Variants in NRIP1 observed in about 807,000 individuals in gnomAD.
NRIP1 encodes the protein nuclear receptor-interacting protein 1.
Under a neutral mutation model 75.0 loss-of-function variants are expected in NRIP1, and 28 were observed. The ratio of observed to expected loss-of-function variants is 0.37; its 90% CI spans 0.28 to 0.51. The LOEUF is 0.51. Among genes scored for constraint, NRIP1 ranks in the 20% least tolerant of loss-of-function variants. The pLI, the probability that NRIP1 is intolerant of heterozygous loss-of-function variation, is 0.92. For missense variants in NRIP1, 1,435 were observed against 1,343.7 expected, an observed-to-expected ratio of 1.07 and a Z score of -1.06; for synonymous variants, 526 against 487.6, an observed-to-expected ratio of 1.08 and a Z score of -1.04.
rs1205304459 is a variant in NRIP1 at position 14,964,766 on chromosome 21, C to A, written c.3427G>T (p.Val1143Phe). 4 of 1,583,514 alleles carry A rather than the reference C, an allele frequency of 2.5e-6. No homozygotes were observed. Among genetic ancestry groups the A allele is most frequent in the Admixed American group, 3.9e-5 (2 of 51,250 alleles). ...AGCACGCTTCCCAGAAGTCCATAAA[C>A]TTCTCCATTTGCGCTGTGTGGGCGA... ...ASRPHSANGE[V>F]YGLLGSVLTI... The change falls in exon 4 of 4, where the codon GTT becomes TTT. Residue 1143 changes from valine (V) to phenylalanine (F), a missense_variant. By Grantham distance (50) the Val-to-Phe change is conservative. Transcript: ENST00000318948.
At chr21:15,007,785 C>A (rs2088007261) in intron 3 of NRIP1, among the ~76,000 whole-genome samples, 1 of 152,186 alleles carries the variant, frequency 6.6e-6, no homozygotes, top group Non-Finnish European at 1.5e-5. Flanking sequence ...GCAAACATTT[C>A]TTGAGTCCCG....
intron 1 of NRIP1, among the ~76,000 whole-genome samples, chr21:15,044,348 T>C (rs2089024063): frequency 6.6e-6 from 1 of 150,520 alleles, no homozygotes; most frequent in South Asian, 2.1e-4. Context: ...AGAATGACAC[T>C]GACGTGGAAA....
At chr21:15,022,598 T>C (rs150871911) in intron 2 of NRIP1, among the ~76,000 whole-genome samples, 21 of 152,354 alleles carry the variant, frequency 1.4e-4, no homozygotes, top group African/African-American at 4.8e-4. Context: ...ACTTCTCTCA[T>C]TATTTTAAAT....
chr21:15,030,734 A>G (rs558639200), intron 2 of NRIP1, among the ~76,000 whole-genome samples: 32 of 152,354 alleles, frequency 2.1e-4, no homozygotes, highest in African/African-American at 7.7e-4. Flanking sequence ...GATAGGTGGT[A>G]AGGAGGGAAG....
intron 2 of NRIP1, among the ~76,000 whole-genome samples, chr21:15,034,896 G>A (rs938199973): frequency 1.3e-5 from 2 of 152,140 alleles, no homozygotes; most frequent in Non-Finnish European, 2.9e-5. Flanking sequence ...TATTTTCTTT[G>A]TTTTGAAAAA....
chr21:15,023,617 TCG>T (rs1312617803), intron 2 of NRIP1, among the ~76,000 whole-genome samples: 4 of 152,188 alleles, frequency 2.6e-5, no homozygotes, highest in Non-Finnish European at 4.4e-5. Flanking sequence ...ATACTCAGTA[TCG>T]TAAAATGACA....
chr21:14,987,480 G>A (rs900192288), intron 3 of NRIP1, among the ~76,000 whole-genome samples: 4 of 152,206 alleles, frequency 2.6e-5, no homozygotes, highest in African/African-American at 4.8e-5. Context: ...GACCAGGTCT[G>A]TCACCTTGTT....
At chr21:15,010,427 T>C (rs1175097250) in intron 3 of NRIP1, among the ~76,000 whole-genome samples, 1 of 150,528 alleles carries the variant, frequency 6.6e-6, no homozygotes, top group Non-Finnish European at 1.5e-5. Context: ...GCTTCGCATA[T>C]AGCGACTTTA....
At position 14,964,782 on chromosome 21, in the gene NRIP1, G is replaced by T. The variant is rs747602440; in HGVS notation, c.3411C>A (p.His1137Gln). The T allele has an allele frequency of 1.2e-6, 2 of 1,605,188 alleles. No homozygotes were observed. The highest frequency in any genetic ancestry group is 3.5e-5 in the Admixed American group (2 of 57,824). ...SHMGNNASRP[H>Q]SANGEVYGLL... ...GTCCATAAACTTCTCCATTTGCGCT[G>T]TGTGGGCGAGAAGCATTATTTCCCA... is the stretch of plus-strand genomic sequence containing the variant. Residue 1137 changes from histidine (H) to glutamine (Q), a missense_variant, in exon 4 of 4, where the codon CAC becomes CAA. Physicochemically the swap from His to Gln is conservative, Grantham distance 24. Coordinates refer to ENST00000318948, the MANE Select transcript of NRIP1 (RefSeq NM_003489.4).
intron 2 of NRIP1, among the ~76,000 whole-genome samples, chr21:15,015,125 A>T (rs538379736): frequency 6.6e-6 from 1 of 152,218 alleles, no homozygotes; most frequent in Non-Finnish European, 1.5e-5. Flanking sequence ...ATAAATATGG[A>T]TGAATCTCAA....
rs550874924 is a variant in NRIP1, at chr21:15,031,078, C to T, written c.-458+12417G>A. ...TACATTCCCTTTCTATGTGTGTACA[C>T]TCTGGAAGGCGCTCGGAGGATCACC... On this transcript the variant is annotated intron_variant, in intron 2 of 3. Coordinates refer to ENST00000318948, the MANE Select transcript of NRIP1 (RefSeq NM_003489.4). Among the ~76,000 whole-genome samples the T allele has an allele frequency of 6.4e-4, 31 of 48,452 alleles. 1 individual carries two copies. The highest frequency in any genetic ancestry group is 2.2e-3 in the African/African-American group (28 of 12,474). 31.8% of individuals were successfully genotyped at this position (48,452 alleles called of 152,430 possible).
intron 3 of NRIP1, among the ~76,000 whole-genome samples, chr21:14,988,858 C>T (rs1401046903): frequency 6.6e-6 from 1 of 151,894 alleles, no homozygotes; most frequent in Admixed American, 6.6e-5. Context: ...AGATTAGTGC[C>T]TAGAGGAGTC....
intron 2 of NRIP1, among the ~76,000 whole-genome samples, chr21:15,029,275 C>CTCCTGTGA (rs2088589886): frequency 6.6e-6 from 1 of 152,206 alleles, no homozygotes; most frequent in Non-Finnish European, 1.5e-5. Flanking sequence ...CTGACCTCAT[C>CTCCTGTGA]TCCTGTGACC....
chr21:15,007,399 GTGT>G (rs746141180), intron 3 of NRIP1, among the ~76,000 whole-genome samples: 4 of 152,138 alleles, frequency 2.6e-5, no homozygotes, highest in Non-Finnish European at 5.9e-5. Flanking sequence ...ATAAGATAGG[GTGT>G]TATTTCATAG....
intron 3 of NRIP1, chr21:14,974,422 C>T (rs1464762529): frequency 6.6e-6 from 1 of 152,144 alleles, no homozygotes; most frequent in African/African-American, 2.4e-5. Flanking sequence ...GAAAAGATGA[C>T]AGAAATTTCT....
rs1485720373 is a variant in NRIP1 at position 15,031,041 on chromosome 21, T to G, written c.-458+12454A>C. 1.7e-4 allele frequency among the ~76,000 whole-genome samples: 20 copies of G among 117,434 alleles called. 1 individual carries two copies. In the East Asian group the frequency reaches 4.6e-3, roughly 27 times the overall value. 77.0% of individuals were successfully genotyped at this position (117,434 alleles called of 152,430 possible). Reference sequence around the variant, plus strand: ...TCTATGTGTATACTCTGGAAGGCGGTTGGAGGTTCACTACATTCCCTTTCT... The same window carrying G: ...TCTATGTGTATACTCTGGAAGGCGGGTGGAGGTTCACTACATTCCCTTTCT... On this transcript the variant is annotated intron_variant, in intron 2 of 3. Coordinates refer to ENST00000318948, the MANE Select transcript of NRIP1 (RefSeq NM_003489.4).
chr21:15,057,179 A>AG (rs397821019), intron 1 of NRIP1, among the ~76,000 whole-genome samples: 3 of 152,018 alleles, frequency 2.0e-5, no homozygotes, highest in Non-Finnish European at 4.4e-5. Flanking sequence ...TAAAAAAAAA[A>AG]TCATGTTAAG....
At chr21:14,998,535 G>A (rs2087783472) in intron 3 of NRIP1, among the ~76,000 whole-genome samples, 2 of 152,140 alleles carry the variant, frequency 1.3e-5, no homozygotes, top group South Asian at 2.1e-4. Flanking sequence ...ACTATATAAC[G>A]TGTTTGTGAT....
intron 3 of NRIP1, chr21:14,992,550 A>G (rs560783822): frequency 6.6e-6 from 1 of 152,192 alleles, no homozygotes; most frequent in Admixed American, 6.5e-5. Context: ...AAAAAGTCTA[A>G]CTATAAAGAT....
Sources: gnomAD v4.1 joint callset for allele counts (sites outside exome capture counted in the v4.1 genomes callset) on GRCh38, gnomAD v4.1.1 for gene constraint, MANE v1.5 for transcripts, NCBI Gene and HGNC (gene_info 2026-07-23, HGNC 2026-07-21) for gene names.